RELN: variants seen among roughly 807,000 people sequenced by gnomAD.
RELN encodes the protein reelin.
Under a neutral mutation model 427.6 loss-of-function variants are expected in RELN, and 108 were observed. The observed-to-expected ratio is 0.25, with a 90% confidence interval of 0.22 to 0.30. RELN has a LOEUF of 0.30. Among genes scored for constraint, RELN ranks in the 10% least tolerant of loss-of-function variants. The pLI is 1.00. For missense variants in RELN, 3,715 were observed against 4,302.8 expected (o/e 0.86, Z 3.82); for synonymous variants, 1,524 against 1,513.4 (o/e 1.01, Z -0.16).
At position 103,856,593 on chromosome 7, in the gene RELN, GAA is replaced by G. The variant is rs1421476744; in HGVS notation, c.338-22923_338-22922del. Among the ~76,000 whole-genome samples, 760 of 138,142 alleles carry G rather than the reference GAA, an allele frequency of 5.5e-3. 10 individuals are homozygous for G. Among genetic ancestry groups the G allele is most frequent in the South Asian group, 0.013 (53 of 4,114 alleles). The allele number at this position is 138,142 out of a possible 152,430, so 90.6% of individuals were successfully genotyped here. A position where few individuals can be genotyped will look rare whatever the true frequency, so the allele number is the denominator to read the frequency against. ...TCAAAAAAAAAAAAAAAAAAAGAAA[GAA>G]AGAAAGAAAAAAGCAAATATGTTGA... On this transcript the variant is annotated intron_variant, in intron 2 of 64. Transcript: ENST00000428762.
At chr7:103,863,694 A>T (rs778281199) in intron 2 of RELN, among the ~76,000 whole-genome samples, 2 of 152,132 alleles carry the variant, frequency 1.3e-5, no homozygotes, top group Non-Finnish European at 2.9e-5. Flanking sequence ...TCCTAACCTA[A>T]ATCTCCTCTG....
intron 31 of RELN, among the ~76,000 whole-genome samples, chr7:103,568,134 T>C (rs537200457): frequency 3.9e-4 from 60 of 152,226 alleles, no homozygotes; most frequent in Non-Finnish European, 7.5e-4. Flanking sequence ...TTTTTTTTGC[T>C]ATACACAACC....
At chr7:103,947,659 C>T (rs541601605) in intron 1 of RELN, among the ~76,000 whole-genome samples, 51 of 152,268 alleles carry the variant, frequency 3.3e-4, no homozygotes, top group African/African-American at 9.9e-4. Context: ...GTTTGTAGTA[C>T]TTTGTTACAG....
At chr7:103,713,319 G>GA (rs1164684079) in intron 8 of RELN, among the ~76,000 whole-genome samples, 1 of 152,192 alleles carries the variant, frequency 6.6e-6, no homozygotes. Flanking sequence ...TAAAGTTATA[G>GA]AATGGATGCA....
chr7:103,838,851 T>G (rs1793479363), intron 2 of RELN, among the ~76,000 whole-genome samples: 1 of 152,246 alleles, frequency 6.6e-6, no homozygotes, highest in African/African-American at 2.4e-5. Context: ...TATAAGTTGC[T>G]ACCTTAACGT....
chr7:103,531,787 A>C (rs1351576740), intron 46 of RELN, among the ~76,000 whole-genome samples: 1 of 152,178 alleles, frequency 6.6e-6, no homozygotes, highest in Non-Finnish European at 1.5e-5. Flanking sequence ...AAAACAAAAC[A>C]AAAACCCAAC....
rs1375589275 is a variant in RELN, at chr7:103,968,265, C to T, written c.226+20866G>A. Among the ~76,000 whole-genome samples, 1 of 152,008 alleles carries T rather than the reference C, an allele frequency of 6.6e-6. No individual in the cohort carries two copies. The highest frequency in any genetic ancestry group is 1.5e-5 in the Non-Finnish European group (1 of 67,996). ...TATGATATATTATATACAATCTTCA[C>T]ACAAATGACTTGTCAAACATGGCTG... is the stretch of plus-strand genomic sequence containing the variant. On this transcript the variant is annotated intron_variant, in intron 1 of 64. Coordinates refer to ENST00000428762, the MANE Select transcript of RELN (RefSeq NM_005045.4). The surrounding 1 kb of genome is among the most constrained non-coding windows in gnomAD (Gnocchi z 4.3).
intron 3 of RELN, among the ~76,000 whole-genome samples, chr7:103,777,475 T>C (rs766750884): frequency 3.9e-5 from 6 of 152,202 alleles, no homozygotes; most frequent in Non-Finnish European, 5.9e-5. Flanking sequence ...TAACTTTAGT[T>C]TTAGCCAAAA....
chr7:103,753,717 C>G (rs549011905), intron 4 of RELN, among the ~76,000 whole-genome samples: 66 of 152,236 alleles, frequency 4.3e-4, no homozygotes, highest in Middle Eastern at 3.4e-3. Context: ...AATTTCCTAA[C>G]GTGAATTGTG....
intron 10 of RELN, among the ~76,000 whole-genome samples, chr7:103,690,350 T>C (rs1025522274): frequency 4.6e-5 from 7 of 152,030 alleles, no homozygotes; most frequent in Admixed American, 2.6e-4. Context: ...ACAGAGCTGG[T>C]GCACTAGATG....
At chr7:103,591,667 T>C (rs1037353236) in intron 27 of RELN, among the ~76,000 whole-genome samples, 3 of 152,202 alleles carry the variant, frequency 2.0e-5, no homozygotes, top group Non-Finnish European at 2.9e-5. Context: ...AGCAGCCACA[T>C]TGGGCACACC....
At chr7:103,810,214 A>G (rs1466097195) in intron 3 of RELN, among the ~76,000 whole-genome samples, 2 of 152,102 alleles carry the variant, frequency 1.3e-5, no homozygotes. Context: ...TTCTGCTGAC[A>G]TGCCCGGGGC....
rs539433839 is a variant in RELN, at chr7:103,839,113, G to A, written c.338-5441C>T. On this transcript the variant is annotated intron_variant, in intron 2 of 64. Coordinates refer to ENST00000428762, the MANE Select transcript of RELN (RefSeq NM_005045.4). ...AAATGTGTAAAATTCAGGGCTTAGA[G>A]TAACACTATTCATATCATTATGGTG... Among the ~76,000 whole-genome samples, 12 of 152,270 alleles carry A rather than the reference G, an allele frequency of 7.9e-5. No homozygotes were observed. The East Asian group carries it at 1.5e-3, about 20-fold the overall frequency.
intron 3 of RELN, among the ~76,000 whole-genome samples, chr7:103,826,669 T>C (rs1397561939): frequency 6.6e-6 from 1 of 152,076 alleles, no homozygotes; most frequent in African/African-American, 2.4e-5. Context: ...CTAAAACTGG[T>C]TTAATCAATT....
chr7:103,586,276 T>C (rs1267668397), intron 28 of RELN, among the ~76,000 whole-genome samples: 2 of 152,098 alleles, frequency 1.3e-5, no homozygotes, highest in Non-Finnish European at 1.5e-5. Context: ...GGCAGGAGAA[T>C]TGCTTGAACC....
At chr7:103,545,079 T>C in intron 42 of RELN, 45 bp downstream of exon 42, 1 of 1,470,206 alleles carries the variant, frequency 6.8e-7, no homozygotes, top group Non-Finnish European at 9.5e-7. Context: ...GTTTAACATA[T>C]AAGTTCTTTC....
intron 3 of RELN, among the ~76,000 whole-genome samples, chr7:103,780,241 G>A (rs113199310): frequency 5.9e-5 from 9 of 152,034 alleles, no homozygotes; most frequent in African/African-American, 1.9e-4. Flanking sequence ...TGAGCCCCTC[G>A]ACTTCTTTTC....
At chr7:103,790,735 G>A (rs374117751) in intron 3 of RELN, among the ~76,000 whole-genome samples, 14 of 152,172 alleles carry the variant, frequency 9.2e-5, no homozygotes, top group East Asian at 3.9e-4. Flanking sequence ...AGGCTGAGGC[G>A]GGTGGATCAT....
chr7:103,907,338 C>T (rs1584354580), intron 2 of RELN, among the ~76,000 whole-genome samples: 1 of 135,068 alleles, frequency 7.4e-6, no homozygotes, highest in African/African-American at 2.8e-5. Flanking sequence ...ACTGCTTGAA[C>T]CCAGGAGGTG....
Sources: allele counts gnomAD v4.1 joint callset (sites outside exome capture counted in the v4.1 genomes callset), GRCh38; gene constraint gnomAD v4.1.1; non-coding constraint Gnocchi (gnomAD v3.1); transcripts MANE v1.5; gene names NCBI Gene and HGNC (gene_info 2026-07-23, HGNC 2026-07-21).